Variants in CPSF3 observed in about 807,000 individuals in gnomAD.
CPSF3 encodes cleavage and polyadenylation specificity factor subunit 3.
A neutral mutation model predicts 84.1 loss-of-function variants in CPSF3; 57 were observed. The ratio of observed to expected loss-of-function variants is 0.68; its 90% CI spans 0.55 to 0.85. CPSF3 has a LOEUF of 0.85. CPSF3 is among the 40% of genes least tolerant of loss of function. The pLI is 0.00. For synonymous variants in CPSF3, 275 were observed against 278.1 expected (o/e 0.99, Z 0.11); for missense variants, 522 against 838.8 (o/e 0.62, Z 4.66).
rs146198578 is a variant in CPSF3 at position 9,452,898 on chromosome 2, A to AT, written c.1396-5dup. 8.3e-3 allele frequency: 11,001 copies of AT among 1,325,556 alleles called. 53 individuals carry two copies. Among genetic ancestry groups the AT allele is most frequent in the African/African-American group, 0.038 (2,559 of 66,750 alleles). 82.1% of individuals were successfully genotyped at this position (1,325,556 alleles called of 1,614,324 possible). A position where few individuals can be genotyped will look rare whatever the true frequency, so the allele number is the denominator to read the frequency against. ...TTACCAGGTTCTATTTTCTTCAAGT[A>AT]TTTTTTTTTTACAGGTTATGGGATT... On this transcript the variant is annotated splice_polypyrimidine_tract_variant and intron_variant, in intron 11 of 17. Transcript: ENST00000238112.
rs1430979386 is a variant in CPSF3 at position 9,430,929 on chromosome 2, T to C, written c.341+49T>C. On this transcript the variant is annotated intron_variant, in intron 4 of 17. Transcript: ENST00000238112. The stretch of plus-strand genomic sequence containing the variant: ...CACGACTTTGGCTCTATATGGCATG[T>C]ATGGTTCAAGATATGGACCATTTTG... 6 of 1,450,884 alleles carry C rather than the reference T, an allele frequency of 4.1e-6. No individual in the cohort carries two copies. In the South Asian group the frequency reaches 7.0e-5, roughly 17 times the overall value. The allele number at this position is 1,450,884 out of a possible 1,614,324, so 89.9% of individuals were successfully genotyped here.
chr2:9,449,111 G>C (rs1230461148), intron 11 of CPSF3, among the ~76,000 whole-genome samples: 1 of 152,056 alleles, frequency 6.6e-6, no homozygotes, highest in Non-Finnish European at 1.5e-5. Flanking sequence ...GGACACGGTG[G>C]TTCCTGCCTA....
intron 11 of CPSF3, among the ~76,000 whole-genome samples, chr2:9,449,535 A>T (rs142882155): frequency 1.1e-3 from 167 of 152,298 alleles, no homozygotes; most frequent in African/African-American, 3.8e-3. Context: ...TTAGCTCAGG[A>T]GTTCAAGACC....
chr2:9,424,633 G>A (rs1170948665), intron 1 of CPSF3: 1 of 152,230 alleles, frequency 6.6e-6, no homozygotes, highest in Non-Finnish European at 1.5e-5. Context: ...GCTTCATTGA[G>A]CACCTGCTTG....
intron 10 of CPSF3, among the ~76,000 whole-genome samples, chr2:9,445,736 C>T (rs543483408): frequency 2.3e-4 from 35 of 152,342 alleles, no homozygotes; most frequent in Admixed American, 1.8e-3. Context: ...AGCCCCATTT[C>T]ATCCTGTCAC....
chr2:9,426,885 A>G (rs951072713), intron 1 of CPSF3, among the ~76,000 whole-genome samples: 15 of 151,896 alleles, frequency 9.9e-5, no homozygotes, highest in African/African-American at 3.1e-4. Context: ...CAAAAAAAAA[A>G]AAAAGACTGA....
Position 9,455,729 on chromosome 2 carries a change from G to T in CPSF3, c.1575G>T (p.Leu525Phe), listed in dbSNP as rs370630513. The change falls in exon 13 of 18, where the codon TTG becomes TTT. Residue 525 changes from leucine (L) to phenylalanine (F), a missense_variant. Leu to Phe is a conservative substitution (Grantham distance 22, BLOSUM62 0). Coordinates refer to ENST00000238112, the MANE Select transcript of CPSF3 (RefSeq NM_016207.4). ...TTCCATATACTGGTCCCTTTAATTT[G>T]CTCTGTTACCAGCTGCAGAAATTGA... ...QAIPYTGPFN[L>F]LCYQLQKLTG... is the part of the protein sequence containing the mutation. 1.2e-6 allele frequency: 2 copies of T among 1,613,638 alleles called. No homozygotes were observed. The highest frequency in any genetic ancestry group is 1.7e-6 in the Non-Finnish European group (2 of 1,179,762).
chr2:9,456,100 A>AT (rs1270399592), intron 13 of CPSF3, among the ~76,000 whole-genome samples: 1 of 152,122 alleles, frequency 6.6e-6, no homozygotes, highest in Non-Finnish European at 1.5e-5. Flanking sequence ...CATACCTAAA[A>AT]TTTTATCTGT....
chr2:9,437,334 G>A (rs1290553840), intron 7 of CPSF3, among the ~76,000 whole-genome samples: 9 of 152,086 alleles, frequency 5.9e-5, no homozygotes, highest in Non-Finnish European at 1.2e-4. Context: ...AGCCTGGGAG[G>A]CAGAGGTTGC....
chr2:9,440,151 T>C (rs866940482), intron 7 of CPSF3, among the ~76,000 whole-genome samples: 11 of 152,228 alleles, frequency 7.2e-5, no homozygotes, highest in African/African-American at 2.4e-4. Flanking sequence ...ACTTTTCTAA[T>C]ACATTTAAAT....
intron 8 of CPSF3, 75 bp downstream of exon 8, chr2:9,440,741 G>A (rs1455860812): frequency 1.4e-6 from 2 of 1,438,130 alleles, no homozygotes; most frequent in Non-Finnish European, 1.9e-6. Context: ...ACGAGGCCGT[G>A]AGTGATGGCT....
chr2:9,452,174 G>C (rs1681355401), intron 11 of CPSF3, among the ~76,000 whole-genome samples: 1 of 151,870 alleles, frequency 6.6e-6, no homozygotes, highest in Non-Finnish European at 1.5e-5. Context: ...ACTAAAAATA[G>C]AAAAATTAGC....
chr2:9,448,044 G>A (rs1042750389), intron 10 of CPSF3, among the ~76,000 whole-genome samples, 154 bp from the exon 11 acceptor site: 6 of 152,130 alleles, frequency 3.9e-5, no homozygotes, highest in Non-Finnish European at 7.3e-5. Context: ...AAGTTGAATC[G>A]GCTGGAGGTC....
chr2:9,423,977 G>A (rs923248727), intron 1 of CPSF3, 154 bp downstream of exon 1: 79 of 1,435,522 alleles, frequency 5.5e-5, no homozygotes, highest in Non-Finnish European at 6.3e-5. Context: ...GGCTCGAGGG[G>A]TTGGAGGACC....
At chr2:9,453,761 C>T (rs1572794221) in intron 12 of CPSF3, among the ~76,000 whole-genome samples, 4 of 151,980 alleles carry the variant, frequency 2.6e-5, no homozygotes. Context: ...TGTGGTGGCA[C>T]GTGCCTGTGG....
chr2:9,431,571 G>C (rs1380423295), intron 4 of CPSF3, among the ~76,000 whole-genome samples: 1 of 123,534 alleles, frequency 8.1e-6, no homozygotes. Flanking sequence ...TTGAGACGGA[G>C]TCTTGTGCTG....
At chr2:9,425,537 G>T (rs886220407) in intron 1 of CPSF3, among the ~76,000 whole-genome samples, 4 of 152,170 alleles carry the variant, frequency 2.6e-5, no homozygotes, top group African/African-American at 9.7e-5. Flanking sequence ...GTATGCAAAT[G>T]AGATCTTCAG....
chr2:9,463,815 G>A (rs10175731), intron 15 of CPSF3, among the ~76,000 whole-genome samples: 72,768 of 152,042 alleles, frequency 0.48, 18,821 homozygotes, highest in Middle Eastern at 0.66. Flanking sequence ...ACAGCCGTGC[G>A]CACTGGTTCA....
intron 6 of CPSF3, among the ~76,000 whole-genome samples, chr2:9,435,628 G>T (rs1680751145): frequency 6.6e-6 from 1 of 151,920 alleles, no homozygotes; most frequent in Non-Finnish European, 1.5e-5. Flanking sequence ...TCATCCTGTT[G>T]GTCAGACTGG....
Sources: allele counts gnomAD v4.1 joint callset (sites outside exome capture counted in the v4.1 genomes callset), GRCh38; gene constraint gnomAD v4.1.1; transcripts MANE v1.5; gene names NCBI Gene and HGNC (gene_info 2026-07-23, HGNC 2026-07-21).